Variants in ARSK observed in about 807,000 individuals in gnomAD.
ARSK encodes arylsulfatase family member K, also known as arylsulfatase K.
In ARSK, 37 loss-of-function variants were observed where a neutral mutation model predicts 53.2. The observed-to-expected ratio is 0.70, with a 90% CI of 0.54 to 0.92. ARSK has a LOEUF of 0.92. Among genes scored for constraint, ARSK ranks in the 40% least tolerant of loss-of-function variants. The pLI is 0.00. For missense variants in ARSK, 613 were observed against 643.0 expected (o/e 0.95, Z 0.51); for synonymous variants, 208 against 223.2 (o/e 0.93, Z 0.61).
chr5:95,581,656 C>A (rs578115454), intron 3 of ARSK, among the ~76,000 whole-genome samples: 42 of 152,192 alleles, frequency 2.8e-4, no homozygotes, highest in Admixed American at 2.4e-3. Context: ...AATCTGAGTT[C>A]TACCACACAT....
At chr5:95,572,252 C>T (rs1273291690) in intron 3 of ARSK, among the ~76,000 whole-genome samples, 1 of 152,108 alleles carries the variant, frequency 6.6e-6, no homozygotes, top group Non-Finnish European at 1.5e-5. Context: ...ATAAAAATGC[C>T]ATTTACTGAT....
rs1432976126 is a variant in ARSK at position 95,591,512 on chromosome 5, G to C, written c.983G>C (p.Ser328Thr). 4 of 1,614,004 alleles carry C rather than the reference G, an allele frequency of 2.5e-6. No individual in the cohort carries two copies. Among genetic ancestry groups the C allele is most frequent in the African/African-American group, 1.3e-5 (1 of 74,920 alleles). Residue 328 changes from serine (S) to threonine (T), a missense_variant, in exon 6 of 8, where the codon AGC becomes ACC. Ser to Thr is a moderately conservative substitution (Grantham distance 58, BLOSUM62 1). Transcript: ENST00000380009. ...GAACATCGACAGTTTTATAAAATGA[G>C]CATGTACGAGGCTAGTGCACATGTT... is the stretch of plus-strand genomic sequence containing the variant. ...AMEHRQFYKM[S>T]MYEASAHVPL...
intron 1 of ARSK, among the ~76,000 whole-genome samples, 165 bp from the exon 2 acceptor site, chr5:95,565,833 A>T (rs529691889): frequency 6.6e-6 from 1 of 152,322 alleles, no homozygotes; most frequent in African/African-American, 2.4e-5. Flanking sequence ...CTAGCTATTT[A>T]TGTACCAGAT....
At chr5:95,595,689 G>GGGGCCAGA (rs1749297566) in intron 6 of ARSK, among the ~76,000 whole-genome samples, 3 of 151,980 alleles carry the variant, frequency 2.0e-5, no homozygotes, top group African/African-American at 4.8e-5. Context: ...AGGGAGGGAG[G>GGGGCCAGA]GGGCCAGAGG....
intron 5 of ARSK, among the ~76,000 whole-genome samples, chr5:95,587,905 CAA>C (rs753471404): frequency 1.1e-3 from 89 of 82,312 alleles, no homozygotes; most frequent in African/African-American, 1.8e-3. Flanking sequence ...GACTACGTCT[CAA>C]AAAAAAAAAA....
rs977809451 is a variant in ARSK at position 95,604,185 on chromosome 5, G to A, written c.*659G>A. The A allele has an allele frequency of 1.3e-5, 2 of 152,180 alleles. No homozygotes were observed. Among genetic ancestry groups the A allele is most frequent in the African/African-American group, 4.8e-5 (2 of 41,454 alleles). 9.4% of individuals were successfully genotyped at this position (152,180 alleles called of 1,614,324 possible). On this transcript the variant is annotated 3_prime_UTR_variant, in exon 8 of 8. Transcript: ENST00000380009. ...ATGTGAGCATTTGATGGTGCTCGAT[G>A]AGTTACTTGTATTTGATGGGATTGT...
intron 1 of ARSK, among the ~76,000 whole-genome samples, chr5:95,561,381 T>C (rs1028272793): frequency 2.2e-4 from 33 of 152,234 alleles, no homozygotes; most frequent in African/African-American, 7.7e-4. Context: ...AGAGTTGCTG[T>C]ATAATCCAGC....
chr5:95,588,344 C>T (rs1213642884), intron 5 of ARSK, among the ~76,000 whole-genome samples: 1 of 150,228 alleles, frequency 6.7e-6, no homozygotes, highest in Non-Finnish European at 1.5e-5. Context: ...TCAAGCGATT[C>T]TCCTGCCTCA....
intron 6 of ARSK, among the ~76,000 whole-genome samples, chr5:95,597,153 T>C (rs936998294): frequency 2.6e-5 from 4 of 152,194 alleles, no homozygotes; most frequent in Admixed American, 1.3e-4. Context: ...CGTTTTGTAG[T>C]TAAAATTGTT....
Position 95,555,472 on chromosome 5 carries a change from C to A in ARSK, c.126+68C>A, listed in dbSNP as rs111345636. 478 of 1,518,880 alleles carry A rather than the reference C, an allele frequency of 3.1e-4. 4 individuals carry two copies. In the African/African-American group the frequency reaches 5.6e-3, roughly 18 times the overall value. 94.1% of individuals were successfully genotyped at this position (1,518,880 alleles called of 1,614,324 possible). A position where few individuals can be genotyped will look rare whatever the true frequency, so the allele number is the denominator to read the frequency against. The stretch of plus-strand genomic sequence containing the variant: ...GGCGACCTCACCGCCGCCGCCTGTG[C>A]TGCAGGCTTTGGGGAGCAGAACCTG... On this transcript the variant is annotated intron_variant, in intron 1 of 7. Coordinates refer to ENST00000380009, the MANE Select transcript of ARSK (RefSeq NM_198150.3). The surrounding 1 kb of genome is among the most constrained non-coding windows in gnomAD (Gnocchi z 4.0).
At chr5:95,567,456 G>T (rs74842473) in intron 2 of ARSK, among the ~76,000 whole-genome samples, 5 of 152,178 alleles carry the variant, frequency 3.3e-5, no homozygotes, top group Non-Finnish European at 5.9e-5. Context: ...AACACACTAC[G>T]TTTTTTGTGG....
intron 3 of ARSK, among the ~76,000 whole-genome samples, chr5:95,569,576 G>A (rs1748788183): frequency 6.6e-6 from 1 of 152,216 alleles, no homozygotes; most frequent in South Asian, 2.1e-4. Flanking sequence ...ATGAAAGATT[G>A]CCAGGAGTCA....
intron 3 of ARSK, among the ~76,000 whole-genome samples, chr5:95,571,150 AAATCTTTCTCCTTTTTAGAATGTAAGCTT>A (rs1404354761): frequency 6.6e-6 from 1 of 152,260 alleles, no homozygotes; most frequent in Non-Finnish European, 1.5e-5. Context: ...TTTCTCTTTA[AAATCTTTCTCCTTTTTAGAATGTAAGCTT>A]AATCTAAAGT....
chr5:95,591,661 T>C (rs1401390512), intron 6 of ARSK, 36 bp downstream of exon 6: 4 of 1,599,852 alleles, frequency 2.5e-6, no homozygotes, highest in Non-Finnish European at 3.4e-6. Flanking sequence ...TTATTTGTAA[T>C]AATGCTGGAG....
At chr5:95,578,450 A>T (rs959940307) in intron 3 of ARSK, among the ~76,000 whole-genome samples, 4 of 151,586 alleles carry the variant, frequency 2.6e-5, no homozygotes, top group Admixed American at 1.3e-4. Context: ...GAGCCCCCAC[A>T]CCAAGTCCAG....
At chr5:95,582,686 A>G (rs750842275) in intron 3 of ARSK, among the ~76,000 whole-genome samples, 1 of 152,212 alleles carries the variant, frequency 6.6e-6, no homozygotes, top group Non-Finnish European at 1.5e-5. Flanking sequence ...ATAATCTTTC[A>G]TAGTTTTAAA....
At chr5:95,596,679 T>C (rs187703973) in intron 6 of ARSK, among the ~76,000 whole-genome samples, 15 of 152,214 alleles carry the variant, frequency 9.9e-5, no homozygotes, top group Admixed American at 6.5e-4. Context: ...TAGAAATGTA[T>C]AAAAGATGGT....
chr5:95,568,199 C>T, intron 3 of ARSK, 150 bp downstream of exon 3: 1 of 850,376 alleles, frequency 1.2e-6, no homozygotes, highest in Non-Finnish European at 1.7e-6. Context: ...GAAATTTTAG[C>T]TTTCTTTCAT....
At chr5:95,569,098 G>A (rs1350776992) in intron 3 of ARSK, among the ~76,000 whole-genome samples, 1 of 152,064 alleles carries the variant, frequency 6.6e-6, no homozygotes, top group Non-Finnish European at 1.5e-5. Context: ...AGCCATGAGC[G>A]CAGCTGTATT....
Sources: allele counts gnomAD v4.1 joint callset (sites outside exome capture counted in the v4.1 genomes callset), GRCh38; gene constraint gnomAD v4.1.1; non-coding constraint Gnocchi (gnomAD v3.1); transcripts MANE v1.5; gene names NCBI Gene and HGNC (gene_info 2026-07-23, HGNC 2026-07-21).